The following NPHP3 variants were observed in gnomAD, a reference collection of about 807,000 sequenced individuals.
NPHP3 encodes the protein nephrocystin-3.
A neutral mutation model predicts 171.9 loss-of-function variants in NPHP3; 123 were observed. That is an observed-to-expected ratio of 0.72 (90% CI 0.62 to 0.83). NPHP3 has a LOEUF of 0.83. Ranked by LOEUF, NPHP3 falls within the 40% of genes least tolerant of loss-of-function variation. The probability of loss-of-function intolerance (pLI) is 0.00; values close to 1 mark genes in which losing one functional copy is unlikely to be tolerated. For synonymous variants in NPHP3, 558 were observed against 579.2 expected (o/e 0.96, Z 0.52); for missense variants, 1,506 against 1,591.9 (o/e 0.95, Z 0.92).
At chr3:132,720,527 A>G (rs529211904) in intron 1 of NPHP3, among the ~76,000 whole-genome samples, 1 of 152,282 alleles carries the variant, frequency 6.6e-6, no homozygotes, top group Admixed American at 6.5e-5. Context: ...GCACTAGTCC[A>G]TTTTATACAT....
chr3:132,699,940 A>G lies in NPHP3; in HGVS notation c.1865T>C (p.Ile622Thr). The stretch of plus-strand genomic sequence containing the variant: ...TACCTGAACTTGATCTATAGAATCA[A>G]TAACGATGATGATGCTGCCTTGATG... ...ARHQGSIIIV[I>T]DSIDQVQQVE... Residue 622 changes from isoleucine to threonine, a missense_variant, in exon 12 of 27, where the codon ATT becomes ACT. Ile to Thr is a moderately conservative substitution (Grantham distance 89). Coordinates refer to ENST00000337331, the MANE Select transcript of NPHP3 (RefSeq NM_153240.5). The G allele has an allele frequency of 3.1e-6, 5 of 1,614,220 alleles. No homozygotes were observed. Among genetic ancestry groups the G allele is most frequent in the South Asian group, 1.1e-5 (1 of 91,088 alleles).
intron 6 of NPHP3, among the ~76,000 whole-genome samples, chr3:132,712,644 T>A (rs947197385): frequency 6.6e-6 from 1 of 152,034 alleles, no homozygotes; most frequent in Non-Finnish European, 1.5e-5. Flanking sequence ...TGGGCGCCTA[T>A]AGTCCCAGCT....
rs1272172361 is a variant in NPHP3, at chr3:132,682,067, T to C, written c.3836A>G (p.Lys1279Arg). 6.2e-7 allele frequency: 1 copy of C among 1,613,940 alleles called. No individual in the cohort carries two copies. The highest frequency in any genetic ancestry group is 1.3e-5 in the African/African-American group (1 of 74,920). ...TGCCCTTTTGTATAATTCAGCAGCT[T>C]TTTCAAAATCTCCTCCTTCATAGCT... ...VLSYEGGDFE[K>R]AAELYKRAME... Residue 1279 changes from lysine (K) to arginine (R), a missense_variant, in exon 27 of 27, where the codon AAA (lysine) becomes AGA (arginine). Lys to Arg is a conservative substitution (Grantham distance 26, BLOSUM62 2). Coordinates refer to ENST00000337331, the MANE Select transcript of NPHP3 (RefSeq NM_153240.5).
At chr3:132,721,587 C>G (rs1241571440) in intron 1 of NPHP3, 1 of 368,624 alleles carries the variant, frequency 2.7e-6, no homozygotes, top group East Asian at 7.1e-5. Context: ...GCATTTGCCT[C>G]CTCAGGACAC....
intron 6 of NPHP3, among the ~76,000 whole-genome samples, chr3:132,709,669 A>C (rs1159774131): frequency 6.6e-6 from 1 of 152,138 alleles, no homozygotes; most frequent in Non-Finnish European, 1.5e-5. Context: ...TGTCTAGGGA[A>C]ACAAATGTTT....
chr3:132,713,173 A>C lies in NPHP3; in HGVS notation c.1071T>G (p.Ile357Met). Reference sequence around the variant, plus strand: ...ATAAAATAACTAAAGAACTTTTCTCAATTTCCCATTTTCTTACAGTGAGGT... The same window carrying C: ...ATAAAATAACTAAAGAACTTTTCTCCATTTCCCATTTTCTTACAGTGAGGT... ...NQYLTVRKWE[I>M]EKSSLVILFI... The change falls in exon 6 of 27, where the codon ATT becomes ATG. Residue 357 changes from isoleucine to methionine, a missense_variant. Ile to Met is a conservative substitution (Grantham distance 10, BLOSUM62 1). Coordinates refer to ENST00000337331, the MANE Select transcript of NPHP3 (RefSeq NM_153240.5). 1 of 1,528,704 alleles carries C rather than the reference A, an allele frequency of 6.5e-7. No individual in the cohort carries two copies. Among genetic ancestry groups the C allele is most frequent in the Non-Finnish European group, 9.0e-7 (1 of 1,115,444 alleles). 94.7% of individuals were successfully genotyped at this position (1,528,704 alleles called of 1,614,324 possible).
rs1939028752 is a variant in NPHP3, at chr3:132,681,584, T to C, written c.*326A>G. 1 of 315,276 alleles carries C rather than the reference T, an allele frequency of 3.2e-6. No homozygotes were observed. Among genetic ancestry groups the C allele is most frequent in the Non-Finnish European group, 6.1e-6 (1 of 163,694 alleles). 19.5% of individuals were successfully genotyped at this position (315,276 alleles called of 1,614,324 possible). A position where few individuals can be genotyped will look rare whatever the true frequency, so the allele number is the denominator to read the frequency against. On this transcript the variant is annotated 3_prime_UTR_variant, in exon 27 of 27. Coordinates refer to ENST00000337331, the MANE Select transcript of NPHP3 (RefSeq NM_153240.5). The stretch of plus-strand genomic sequence containing the variant: ...TGCCTGGCCAAGATTCATGGAATTT[T>C]TGAACTCCTTGTCTTAACTACTCTG...
chr3:132,720,876 A>C (rs558366237), intron 1 of NPHP3, among the ~76,000 whole-genome samples: 1 of 151,382 alleles, frequency 6.6e-6, no homozygotes, highest in African/African-American at 2.5e-5. Context: ...GAGGGCAAAA[A>C]GTTTTAGAGA....
chr3:132,691,105 T>G, intron 18 of NPHP3, 87 bp downstream of exon 18: 1 of 1,024,842 alleles, frequency 9.8e-7, no homozygotes, highest in African/African-American at 1.6e-5. Flanking sequence ...TTTTGTACTT[T>G]AAGTTGTAAG....
At chr3:132,687,044 C>T in intron 22 of NPHP3, 107 bp downstream of exon 22, 3 of 633,486 alleles carry the variant, frequency 4.7e-6, no homozygotes, top group Non-Finnish European at 8.5e-6. Flanking sequence ...TTCTAAAAAA[C>T]TAGAAGATTT....
Position 132,691,684 on chromosome 3 carries a change from G to GTA in NPHP3, c.2476-400_2476-399dup, listed in dbSNP as rs946981096. Among the ~76,000 whole-genome samples, 20 of 151,976 alleles carry GTA rather than the reference G, an allele frequency of 1.3e-4. No individual in the cohort carries two copies. The South Asian group carries it at 2.5e-3, about 19-fold the overall frequency. On this transcript the variant is annotated intron_variant, in intron 17 of 26. Coordinates refer to ENST00000337331, the MANE Select transcript of NPHP3 (RefSeq NM_153240.5). ...CAAATGTAAGACTTCATTTACAATT[G>GTA]TATATATATATAAATCAACCATGGC...
At chr3:132,716,561 T>C (rs1296407970) in intron 4 of NPHP3, among the ~76,000 whole-genome samples, 196 bp downstream of exon 4, 2 of 152,196 alleles carry the variant, frequency 1.3e-5, no homozygotes, top group Non-Finnish European at 2.9e-5. Context: ...AGGAGTACCA[T>C]CTGATCACCA....
chr3:132,706,126 G>A (rs533944481), intron 7 of NPHP3, among the ~76,000 whole-genome samples: 5 of 152,138 alleles, frequency 3.3e-5, no homozygotes, highest in East Asian at 3.9e-4. Flanking sequence ...TTGGGAGGTC[G>A]AGGTGGGCGG....
chr3:132,704,385 A>C lies in NPHP3; in HGVS notation c.1351-14T>G, dbSNP rs1222781531. ...ACCCAGTATGTCCTAAACACAAAGA[A>C]CAACCACACAAAAATGAATGAAGAA... On this transcript the variant is annotated splice_polypyrimidine_tract_variant and intron_variant, in intron 8 of 26. Coordinates refer to ENST00000337331, the MANE Select transcript of NPHP3 (RefSeq NM_153240.5). 2 of 1,613,980 alleles carry C rather than the reference A, an allele frequency of 1.2e-6. No individual in the cohort carries two copies. Among genetic ancestry groups the C allele is most frequent in the African/African-American group, 2.7e-5 (2 of 74,934 alleles).
At chr3:132,687,744 T>TA (rs1379688380) in intron 21 of NPHP3, among the ~76,000 whole-genome samples, 1 of 152,226 alleles carries the variant, frequency 6.6e-6, no homozygotes, top group African/African-American at 2.4e-5. Flanking sequence ...TCACTTATGA[T>TA]AGAGCAAAAG....
chr3:132,713,540 C>G (rs913631791), intron 5 of NPHP3, among the ~76,000 whole-genome samples: 1 of 152,182 alleles, frequency 6.6e-6, no homozygotes, highest in East Asian at 1.9e-4. Context: ...AAAGCTAGAA[C>G]AACAGGAGAC....
chr3:132,708,362 G>A, intron 6 of NPHP3, 105 bp from the exon 7 acceptor site: 1 of 1,087,854 alleles, frequency 9.2e-7, no homozygotes, highest in Non-Finnish European at 1.4e-6. Context: ...AGTGACAAGT[G>A]GCCAGAAAAG....
chr3:132,709,269 TC>T (rs1939841687), intron 6 of NPHP3, among the ~76,000 whole-genome samples: 2 of 117,404 alleles, frequency 1.7e-5, no homozygotes, highest in Non-Finnish European at 3.5e-5. Flanking sequence ...TTTCTTTCTC[TC>T]CCTTTTTTTT....
At position 132,719,903 on chromosome 3, in the gene NPHP3, CATAT is replaced by C. The variant is rs10590809; in HGVS notation, c.394-77_394-74del. On this transcript the variant is annotated intron_variant, in intron 1 of 26. Coordinates refer to ENST00000337331, the MANE Select transcript of NPHP3 (RefSeq NM_153240.5). ...TCAATTTTACATTCTTATATATATACATATATATATATATATGTTACGTATCTTA... is the reference window on the plus strand; with the variant it reads ...TCAATTTTACATTCTTATATATATACATATATATATATGTTACGTATCTTA... The C allele has an allele frequency of 3.0e-3, 1,335 of 444,666 alleles. 8 individuals carry two copies. The highest frequency in any genetic ancestry group is 0.017 in the African/African-American group (777 of 46,098). The allele number at this position is 444,666 out of a possible 1,614,324, so 27.5% of individuals were successfully genotyped here. A position where few individuals can be genotyped will look rare whatever the true frequency, so the allele number is the denominator to read the frequency against.
Sources: gnomAD v4.1 joint callset for allele counts (sites outside exome capture counted in the v4.1 genomes callset) on GRCh38, gnomAD v4.1.1 for gene constraint, MANE v1.5 for transcripts, NCBI Gene and HGNC (gene_info 2026-07-23, HGNC 2026-07-21) for gene names.